Variants in STAG2 observed in about 807,000 individuals in gnomAD.
STAG2 encodes cohesin subunit SA-2.
Under a neutral mutation model 108.1 loss-of-function variants are expected in STAG2, and 14 were observed. That is an observed-to-expected ratio of 0.13 (90% confidence interval 0.09 to 0.20). STAG2 has a LOEUF of 0.20. STAG2 is among the 10% of genes least tolerant of loss of function. The probability of loss-of-function intolerance (pLI) is 1.00; values close to 1 mark genes in which losing one functional copy is unlikely to be tolerated. For missense variants in STAG2, 440 were observed against 940.9 expected (o/e 0.47, Z 6.96); for synonymous variants, 307 against 302.7 (o/e 1.01, Z -0.15).
At chrX:124,060,182 G>A (rs2058339062) in intron 15 of STAG2, among the ~76,000 whole-genome samples, 1 of 111,798 alleles carries the variant, frequency 8.9e-6, no homozygotes, top group Non-Finnish European at 1.9e-5. Flanking sequence ...AGGCTGGAGT[G>A]CAGTGGTGTG....
chrX:124,015,334 A>T (rs767468583), intron 1 of STAG2, among the ~76,000 whole-genome samples: 1 of 108,191 alleles, frequency 9.2e-6, no homozygotes, highest in African/African-American at 3.4e-5. Flanking sequence ...AGTATAGCAC[A>T]AATTAGGGAG....
At chrX:124,012,575 A>G (rs1041502306) in intron 1 of STAG2, among the ~76,000 whole-genome samples, 3 of 111,997 alleles carry the variant, frequency 2.7e-5, no homozygotes, top group African/African-American at 9.7e-5. Flanking sequence ...GTTAGTGGGT[A>G]ATATCAAGTG....
At chrX:124,081,592 T>C in intron 28 of STAG2, 64 bp downstream of exon 28, 1 of 898,029 alleles carries the variant, frequency 1.1e-6, no homozygotes. Context: ...TTTTTAAATC[T>C]AGCCCTTTCA....
intron 1 of STAG2, among the ~76,000 whole-genome samples, chrX:123,978,850 C>CA (rs1440920387): frequency 3.6e-5 from 4 of 111,448 alleles, no homozygotes; most frequent in Non-Finnish European, 5.7e-5. Context: ...ATGTTTGAAA[C>CA]ACTTTTGGTC....
At chrX:124,003,266 C>T (rs1029203077) in intron 1 of STAG2, among the ~76,000 whole-genome samples, 1 of 110,714 alleles carries the variant, frequency 9.0e-6, no homozygotes, top group Non-Finnish European at 1.9e-5. Context: ...CGAGTCCAGC[C>T]CACACCTGAT....
rs2056967080 is a variant in STAG2 at position 124,022,565 on chromosome X, T to C, written c.-63T>C. 1.0e-6 allele frequency: 1 copy of C among 954,370 alleles called. No individual in the cohort carries two copies. The highest frequency in any genetic ancestry group is 1.4e-6 in the Non-Finnish European group (1 of 691,815). The allele number at this position is 954,370 out of a possible 1,213,427, so 78.7% of individuals were successfully genotyped here. A position where few individuals can be genotyped will look rare whatever the true frequency, so the allele number is the denominator to read the frequency against. On this transcript the variant is annotated 5_prime_UTR_variant, in exon 3 of 35. Transcript: ENST00000371145. ...TAGAAGAAAGAAGGCAAGCCACCAT[T>C]TTACCCACGTAAATATATGAATATA...
intron 25 of STAG2, among the ~76,000 whole-genome samples, chrX:124,075,437 C>A (rs773265717): frequency 9.0e-6 from 1 of 111,127 alleles, no homozygotes; most frequent in Admixed American, 9.6e-5. Context: ...CCACACCCAG[C>A]TGATTTTTGT....
At chrX:124,061,963 ATTTTG>A (rs1168332126) in intron 17 of STAG2, 89 bp downstream of exon 17, 15 of 693,740 alleles carry the variant, frequency 2.2e-5, no homozygotes, top group Admixed American at 1.3e-4. Context: ...CCATGAAACA[ATTTTG>A]TTTTATTTTT....
At position 124,101,833 on chromosome X, in the gene STAG2, A is replaced by G. The variant is rs1179271497; in HGVS notation, c.*1236A>G. On this transcript the variant is annotated 3_prime_UTR_variant, in exon 35 of 35. Transcript: ENST00000371145. Reference sequence around the variant, plus strand: ...TCATTTTATGTCCTTTCACAAATAAATTAGTTTAAAACAGAAAGTGGCTAC... The same window carrying G: ...TCATTTTATGTCCTTTCACAAATAAGTTAGTTTAAAACAGAAAGTGGCTAC... 2 of 160,593 alleles carry G rather than the reference A, an allele frequency of 1.2e-5. No individual in the cohort carries two copies. Among genetic ancestry groups the G allele is most frequent in the African/African-American group, 6.0e-5 (2 of 33,201 alleles). 13.2% of individuals were successfully genotyped at this position (160,593 alleles called of 1,213,427 possible).
chrX:123,980,341 C>T (rs1035790480), intron 1 of STAG2, among the ~76,000 whole-genome samples: 12 of 110,425 alleles, frequency 1.1e-4, no homozygotes, highest in African/African-American at 4.0e-4. Context: ...CTTAACTTGG[C>T]AGGAGGAAGA....
chrX:124,092,452 T>G (rs1483716387), intron 32 of STAG2, among the ~76,000 whole-genome samples: 1 of 112,022 alleles, frequency 8.9e-6, no homozygotes, highest in African/African-American at 3.2e-5. Context: ...CATGCAATCA[T>G]TTGGTCTATA....
At chrX:124,064,607 C>T (rs1203799253) in intron 20 of STAG2, among the ~76,000 whole-genome samples, 2 of 109,939 alleles carry the variant, frequency 1.8e-5, no homozygotes, top group African/African-American at 6.6e-5. Flanking sequence ...CTGTACCAGG[C>T]TAATTTTTGT....
At chrX:123,964,623 T>C (rs1390072338) in intron 1 of STAG2, among the ~76,000 whole-genome samples, 2 of 110,881 alleles carry the variant, frequency 1.8e-5, no homozygotes, top group Admixed American at 9.7e-5. Context: ...AGAAGTGGGT[T>C]GGAAAAGAAA....
intron 29 of STAG2, among the ~76,000 whole-genome samples, chrX:124,084,280 G>A (rs376332995): frequency 7.2e-5 from 8 of 110,814 alleles, no homozygotes; most frequent in African/African-American, 2.3e-4. Context: ...TTACAGTAAC[G>A]GTTACTTCTA....
At chrX:123,961,301 C>CA (rs2053840314), upstream of STAG2, 1 of 62,097 alleles carries the variant, frequency 1.6e-5, no homozygotes, top group African/African-American at 6.6e-5. Context: ...CTACGGAGAC[C>CA]CCCCCCCCCC....
chrX:123,968,434 A>G (rs2054203971), intron 1 of STAG2, among the ~76,000 whole-genome samples: 2 of 111,579 alleles, frequency 1.8e-5, no homozygotes, highest in African/African-American at 6.5e-5. Context: ...CCAAGGTGGG[A>G]AGATCTGTTG....
At chrX:123,961,885 A>C (rs901948787) in intron 1 of STAG2, 29 bp downstream of exon 1, 1 of 111,602 alleles carries the variant, frequency 9.0e-6, no homozygotes, top group Non-Finnish European at 1.9e-5. Flanking sequence ...ACAATTTTCT[A>C]AATTGGCTGG....
chrX:124,085,306 T>C (rs1306385066), intron 29 of STAG2, among the ~76,000 whole-genome samples: 2 of 111,450 alleles, frequency 1.8e-5, no homozygotes, highest in African/African-American at 3.3e-5. Context: ...GGGCTACTTA[T>C]CTGTAATGTC....
intron 4 of STAG2, 60 bp from the exon 5 acceptor site, chrX:124,030,901 C>G: frequency 1.8e-6 from 2 of 1,090,154 alleles, no homozygotes; most frequent in South Asian, 4.8e-5. Flanking sequence ...TCTACTGTAG[C>G]TGTGTTTTGA....
Sources: allele counts gnomAD v4.1 joint callset (sites outside exome capture counted in the v4.1 genomes callset), GRCh38; gene constraint gnomAD v4.1.1; transcripts MANE v1.5; gene names NCBI Gene and HGNC (gene_info 2026-07-23, HGNC 2026-07-21).